Variants in COL4A6 observed in about 807,000 individuals in gnomAD.
The protein encoded by COL4A6 is collagen type IV alpha 6 chain.
A neutral mutation model predicts 126.7 loss-of-function variants in COL4A6; 59 were observed. The ratio of observed to expected loss-of-function variants is 0.47; its 90% CI spans 0.38 to 0.58. COL4A6 has a LOEUF of 0.58. COL4A6 is among the 20% of genes least tolerant of loss of function. The pLI is 0.00. For synonymous variants in COL4A6, 547 were observed against 496.6 expected, an observed-to-expected ratio of 1.10 and a Z score of -1.35; for missense variants, 1,285 against 1,337.3, an observed-to-expected ratio of 0.96 and a Z score of 0.61.
chrX:108,403,250 CT>C (rs2041132370), intron 2 of COL4A6, among the ~76,000 whole-genome samples: 1 of 97,661 alleles, frequency 1.0e-5, no homozygotes, highest in Non-Finnish European at 2.1e-5. Flanking sequence ...CTCTCTCTCT[CT>C]CTCTCTCTCT....
chrX:108,421,250 T>C (rs1361603198), intron 2 of COL4A6, among the ~76,000 whole-genome samples: 3 of 112,316 alleles, frequency 2.7e-5, no homozygotes, highest in Admixed American at 1.9e-4. Flanking sequence ...TGAGGATTAA[T>C]TGCTAATAAC....
At chrX:108,435,384 T>G (rs1308754307) in intron 2 of COL4A6, among the ~76,000 whole-genome samples, 1 of 112,307 alleles carries the variant, frequency 8.9e-6, no homozygotes, top group Non-Finnish European at 1.9e-5. Context: ...CAAGTACATG[T>G]AGATAATAAC....
chrX:108,210,173 A>G (rs1353942079), intron 7 of COL4A6, among the ~76,000 whole-genome samples, 169 bp from the exon 8 acceptor site: 2 of 112,739 alleles, frequency 1.8e-5, no homozygotes, highest in African/African-American at 3.2e-5. Flanking sequence ...TCGACTGTTT[A>G]GATTGTTTAT....
intron 2 of COL4A6, among the ~76,000 whole-genome samples, chrX:108,316,391 T>A (rs1023283601): frequency 6.0e-4 from 67 of 111,981 alleles, no homozygotes; most frequent in African/African-American, 2.1e-3. Context: ...AAATGAATAT[T>A]ACATACATAT....
intron 3 of COL4A6, among the ~76,000 whole-genome samples, chrX:108,295,900 A>G (rs1394239079): frequency 8.9e-6 from 1 of 112,071 alleles, no homozygotes; most frequent in Non-Finnish European, 1.9e-5. Flanking sequence ...AAAAATCTAG[A>G]CATTCTGTTT....
chrX:108,307,169 C>A (rs1382511104), intron 3 of COL4A6, among the ~76,000 whole-genome samples: 1 of 111,383 alleles, frequency 9.0e-6, no homozygotes, highest in African/African-American at 3.3e-5. Flanking sequence ...ATAATAACAC[C>A]TAACTCCTAA....
At chrX:108,194,785 G>C in intron 15 of COL4A6, 198 bp from the exon 16 acceptor site, 1 of 452,713 alleles carries the variant, frequency 2.2e-6, no homozygotes, top group Middle Eastern at 3.6e-4. Context: ...CATATTAGGA[G>C]GTACAAGGGC....
At chrX:108,227,459 T>C (rs2036200399) in intron 3 of COL4A6, among the ~76,000 whole-genome samples, 1 of 110,873 alleles carries the variant, frequency 9.0e-6, no homozygotes, top group East Asian at 2.9e-4. Flanking sequence ...AACTTGGTTT[T>C]GTACATTTTA....
At chrX:108,315,084 T>C (rs1317811766) in intron 2 of COL4A6, among the ~76,000 whole-genome samples, 1 of 112,025 alleles carries the variant, frequency 8.9e-6, no homozygotes, top group Non-Finnish European at 1.9e-5. Flanking sequence ...TATGTAATTA[T>C]CTGAATCAAG....
intron 22 of COL4A6, 97 bp from the exon 23 acceptor site, chrX:108,187,376 C>T (rs1156332107): frequency 9.6e-6 from 7 of 725,910 alleles, no homozygotes; most frequent in Non-Finnish European, 1.3e-5. Context: ...GTGACCAATG[C>T]TTTGTGTTTT....
intron 22 of COL4A6, 53 bp from the exon 23 acceptor site, chrX:108,187,332 A>G (rs2034899818): frequency 2.0e-6 from 2 of 1,004,395 alleles, no homozygotes; most frequent in Non-Finnish European, 2.6e-6. Context: ...ATTTATCTGG[A>G]CAGTCCTCTG....
intron 3 of COL4A6, among the ~76,000 whole-genome samples, chrX:108,282,339 C>T (rs1228558754): frequency 4.7e-5 from 5 of 107,055 alleles, no homozygotes; most frequent in South Asian, 4.4e-4. Context: ...GGGCGAAGGA[C>T]ATGAACAGAC....
At chrX:108,387,641 T>C (rs1042267746) in intron 2 of COL4A6, among the ~76,000 whole-genome samples, 1 of 112,008 alleles carries the variant, frequency 8.9e-6, no homozygotes, top group Admixed American at 9.5e-5. Context: ...TTTCTAAATA[T>C]ACAATCATGT....
At chrX:108,163,917 A>G (rs1036470353) in intron 40 of COL4A6, among the ~76,000 whole-genome samples, 1 of 112,286 alleles carries the variant, frequency 8.9e-6, no homozygotes, top group African/African-American at 3.2e-5. Context: ...TTTTTGGATA[A>G]CTGAAAGAGG....
intron 2 of COL4A6, among the ~76,000 whole-genome samples, chrX:108,391,387 C>T (rs774849508): frequency 5.4e-5 from 6 of 111,755 alleles, no homozygotes; most frequent in African/African-American, 1.9e-4. Flanking sequence ...TTCAGAGACA[C>T]CCTGCCCAGA....
At chrX:108,228,054 T>C (rs768309132) in intron 3 of COL4A6, among the ~76,000 whole-genome samples, 1 of 112,383 alleles carries the variant, frequency 8.9e-6, no homozygotes, top group South Asian at 3.7e-4. Context: ...AGAATGGGAC[T>C]TACCCAAGTT....
intron 3 of COL4A6, among the ~76,000 whole-genome samples, chrX:108,225,959 G>A (rs775768526): frequency 4.4e-5 from 5 of 112,457 alleles, no homozygotes; most frequent in Non-Finnish European, 9.4e-5. Flanking sequence ...AAAGCATTAA[G>A]CTAGGGGATG....
intron 13 of COL4A6, among the ~76,000 whole-genome samples, chrX:108,201,174 A>C (rs1348047279): frequency 9.0e-6 from 1 of 111,655 alleles, no homozygotes; most frequent in Non-Finnish European, 1.9e-5. Context: ...CTGGCCACCC[A>C]GAGAGACCCA....
intron 13 of COL4A6, among the ~76,000 whole-genome samples, chrX:108,201,697 A>T (rs998590334): frequency 2.7e-5 from 3 of 111,944 alleles, no homozygotes; most frequent in Non-Finnish European, 5.6e-5. Flanking sequence ...AACAAGGTTG[A>T]ACATTTTTAC....
Sources: allele counts gnomAD v4.1 joint callset (sites outside exome capture counted in the v4.1 genomes callset), GRCh38; gene constraint gnomAD v4.1.1; transcripts MANE v1.5; gene names NCBI Gene and HGNC (gene_info 2026-07-23, HGNC 2026-07-21).